SV2C: variants seen among roughly 807,000 people sequenced by gnomAD.
SV2C encodes synaptic vesicle glycoprotein 2C.
A neutral mutation model predicts 79.7 loss-of-function variants in SV2C; 49 were observed. That is an observed-to-expected ratio of 0.61 (90% CI 0.49 to 0.78). The LOEUF (loss-of-function observed/expected upper bound fraction) is 0.78. Ranked by LOEUF, SV2C falls within the 30% of genes least tolerant of loss-of-function variation. The pLI, the probability that SV2C is intolerant of heterozygous loss-of-function variation, is 0.00. For synonymous variants in SV2C, 334 were observed against 333.2 expected, an observed-to-expected ratio of 1.00 and a Z score of -0.03; for missense variants, 833 against 912.9, an observed-to-expected ratio of 0.91 and a Z score of 1.13.
intron 4 of SV2C, among the ~76,000 whole-genome samples, chr5:76,223,124 GACCTAA>G (rs1187087891): frequency 2.0e-5 from 3 of 152,128 alleles, no homozygotes; most frequent in African/African-American, 7.2e-5. Flanking sequence ...AGCATTCAGA[GACCTAA>G]GCCTTCATCA....
rs751937222 is a variant in SV2C at position 76,298,803 on chromosome 5, G to C, written c.1512G>C (p.Gly504=). The change falls in exon 10 of 13, where the codon GGG becomes GGC. Residue 504 remains glycine (G), a synonymous_variant. Coordinates refer to ENST00000502798, the MANE Select transcript of SV2C (RefSeq NM_014979.4). ...TCTGTGTGTTGGGCAGATTCATAGGGGTCAAGTTCAAATCTGTAACTTTCA... is the reference window on the plus strand; with the variant it reads ...TCTGTGTGTTGGGCAGATTCATAGGCGTCAAGTTCAAATCTGTAACTTTCA... The part of the protein sequence containing the change: ...GMEYDNGRFI[G]VKFKSVTFKD... The C allele has an allele frequency of 6.2e-7, 1 of 1,613,676 alleles. No individual in the cohort carries two copies. Among genetic ancestry groups the C allele is most frequent in the Non-Finnish European group, 8.5e-7 (1 of 1,179,724 alleles).
chr5:75,899,228 A>G, the SV2C span, among the ~76,000 whole-genome samples: 93 of 152,274 alleles, frequency 6.1e-4, no homozygotes, highest in African/African-American at 2.1e-3. Context: ...TTCCCTCTAC[A>G]CACTGCTTTG....
the SV2C span, among the ~76,000 whole-genome samples, chr5:76,061,825 A>G: frequency 7.4e-4 from 112 of 152,270 alleles, no homozygotes; most frequent in Non-Finnish European, 1.3e-3. Flanking sequence ...TCTTTCTAAA[A>G]TGGACATTTT....
intron 2 of SV2C, among the ~76,000 whole-genome samples, chr5:76,155,331 C>T (rs1742692237): frequency 1.3e-5 from 2 of 152,158 alleles, no homozygotes; most frequent in African/African-American, 4.8e-5. Flanking sequence ...TACTAAAACT[C>T]AGTTACAAAG....
intron 2 of SV2C, among the ~76,000 whole-genome samples, chr5:76,176,932 G>A (rs1002171830): frequency 6.6e-6 from 1 of 152,012 alleles, no homozygotes; most frequent in African/African-American, 2.4e-5. Context: ...TGGCTAACAT[G>A]ATGAAACCCC....
chr5:75,883,401 T>C, the SV2C span, among the ~76,000 whole-genome samples: 1 of 143,938 alleles, frequency 6.9e-6, no homozygotes, highest in African/African-American at 2.9e-5. Context: ...CGTATGTTTA[T>C]TGCGGCATTA....
the SV2C span, among the ~76,000 whole-genome samples, chr5:76,066,929 A>T: frequency 6.6e-6 from 1 of 152,100 alleles, no homozygotes; most frequent in African/African-American, 2.4e-5. Context: ...ATTGGCCAGT[A>T]GGGAGTTTAA....
intron 8 of SV2C, among the ~76,000 whole-genome samples, chr5:76,293,371 C>CTAA (rs1561301964): frequency 6.6e-6 from 1 of 152,142 alleles, no homozygotes; most frequent in African/African-American, 2.4e-5. Context: ...ATTTTGTTTA[C>CTAA]TAATTCATTA....
chr5:76,340,830 G>A (rs1359204613), intron 12 of SV2C, among the ~76,000 whole-genome samples: 5 of 151,774 alleles, frequency 3.3e-5, no homozygotes, highest in South Asian at 4.2e-4. Context: ...GGCTGGTCTC[G>A]AACTCCTAGG....
the SV2C span, among the ~76,000 whole-genome samples, chr5:75,929,275 C>T: frequency 3.3e-5 from 5 of 152,106 alleles, no homozygotes; most frequent in South Asian, 1.0e-3. Context: ...TCACACCTGT[C>T]CTTTCTCTGG....
chr5:76,241,763 T>G (rs1246859550), intron 4 of SV2C, among the ~76,000 whole-genome samples: 1 of 152,172 alleles, frequency 6.6e-6, no homozygotes. Context: ...TCCCTCCTCC[T>G]GGAAGCCAAG....
At chr5:75,869,043 A>AC in the SV2C span, among the ~76,000 whole-genome samples, 3 of 152,158 alleles carry the variant, frequency 2.0e-5, no homozygotes, top group Non-Finnish European at 4.4e-5. Context: ...GCAGATGAAA[A>AC]AGTAAATAAA....
chr5:76,081,955 T>C (rs1210337170), upstream of SV2C: 1 of 152,236 alleles, frequency 6.6e-6, no homozygotes, highest in Non-Finnish European at 1.5e-5. Flanking sequence ...ACATGTAACA[T>C]TTATATTTCT....
At chr5:75,959,459 C>T in the SV2C span, among the ~76,000 whole-genome samples, 1 of 152,038 alleles carries the variant, frequency 6.6e-6, no homozygotes, top group South Asian at 2.1e-4. Context: ...CAGTTCTTGT[C>T]TCTCTTTAAT....
At chr5:76,200,238 AC>A (rs1313455995) in intron 3 of SV2C, among the ~76,000 whole-genome samples, 2 of 152,162 alleles carry the variant, frequency 1.3e-5, no homozygotes. Context: ...ATTGGAACAG[AC>A]CTACTCAGCA....
the SV2C span, among the ~76,000 whole-genome samples, chr5:75,885,127 A>C: frequency 6.6e-4 from 101 of 152,288 alleles, no homozygotes; most frequent in African/African-American, 2.4e-3. Flanking sequence ...CTCTTTGTGC[A>C]AAAGAAATTC....
At chr5:75,907,274 A>C in the SV2C span, among the ~76,000 whole-genome samples, 1 of 152,186 alleles carries the variant, frequency 6.6e-6, no homozygotes, top group Non-Finnish European at 1.5e-5. Context: ...TTTTGACTAA[A>C]TATTACTTAT....
chr5:76,202,744 C>T (rs1744491211), intron 3 of SV2C, among the ~76,000 whole-genome samples: 1 of 152,148 alleles, frequency 6.6e-6, no homozygotes, highest in South Asian at 2.1e-4. Flanking sequence ...TAACCACTAG[C>T]TTCATGTAGC....
the SV2C span, among the ~76,000 whole-genome samples, chr5:75,889,089 T>C: frequency 0.15 from 22,830 of 152,066 alleles, 2,627 homozygotes; most frequent in African/African-American, 0.33. Flanking sequence ...CCACATTTTA[T>C]TTTATTTTTT....
Sources: allele counts gnomAD v4.1 joint callset (sites outside exome capture counted in the v4.1 genomes callset), GRCh38; gene constraint gnomAD v4.1.1; transcripts MANE v1.5; gene names NCBI Gene and HGNC (gene_info 2026-07-23, HGNC 2026-07-21).